PRKCE: variants seen among roughly 807,000 people sequenced by gnomAD.
The protein encoded by PRKCE is protein kinase C epsilon.
PRKCE carries 16 observed loss-of-function variants against 85.4 expected under a neutral mutation model. That is an observed-to-expected ratio of 0.19 (90% CI 0.13 to 0.28). PRKCE has a LOEUF of 0.28. Among genes scored for constraint, PRKCE ranks in the 10% least tolerant of loss-of-function variants. The pLI is 1.00. For missense variants in PRKCE, 573 were observed against 975.2 expected (o/e 0.59, Z 5.49); for synonymous variants, 388 against 371.5 (o/e 1.04, Z -0.51).
chr2:45,836,435 T>C (rs1430072517), intron 1 of PRKCE, among the ~76,000 whole-genome samples: 2 of 152,274 alleles, frequency 1.3e-5, no homozygotes, highest in Non-Finnish European at 2.9e-5. Flanking sequence ...AATTAGCTGC[T>C]AACTTCAAAA....
At chr2:45,843,279 T>TA (rs573240913) in intron 2 of PRKCE, among the ~76,000 whole-genome samples, 11 of 152,366 alleles carry the variant, frequency 7.2e-5, no homozygotes, top group African/African-American at 2.2e-4. Flanking sequence ...ATTTTGGACT[T>TA]ACCAAGTGAG....
At chr2:45,990,396 C>G (rs1247032639) in intron 6 of PRKCE, among the ~76,000 whole-genome samples, 1 of 152,186 alleles carries the variant, frequency 6.6e-6, no homozygotes, top group African/African-American at 2.4e-5. Flanking sequence ...ATCACTACGT[C>G]CAGTCCTCTC....
chr2:45,985,684 T>G (rs1228920339), intron 6 of PRKCE, among the ~76,000 whole-genome samples: 1 of 152,194 alleles, frequency 6.6e-6, no homozygotes, highest in East Asian at 1.9e-4. Context: ...ATGACTTTAA[T>G]ATATCAAGGA....
At chr2:45,747,008 G>A (rs1683192707) in intron 1 of PRKCE, among the ~76,000 whole-genome samples, 1 of 152,168 alleles carries the variant, frequency 6.6e-6, no homozygotes, top group Non-Finnish European at 1.5e-5. Flanking sequence ...CTGAACTGAT[G>A]ACACGCTTCT....
chr2:45,709,728 C>T (rs1470363736), intron 1 of PRKCE, among the ~76,000 whole-genome samples: 1 of 152,184 alleles, frequency 6.6e-6, no homozygotes, highest in Non-Finnish European at 1.5e-5. Flanking sequence ...GGCATCTCAT[C>T]TCCAGTCCCC....
intron 2 of PRKCE, among the ~76,000 whole-genome samples, chr2:45,926,004 T>C (rs1036925032): frequency 6.6e-5 from 10 of 152,254 alleles, no homozygotes; most frequent in Admixed American, 2.0e-4. Context: ...TCAGTGGGGC[T>C]GAATATTCGA....
At position 46,007,438 on chromosome 2, in the gene PRKCE, AT is replaced by A. The variant is rs748963824; in HGVS notation, c.1064-21del. On this transcript the variant is annotated intron_variant, in intron 8 of 14. Coordinates refer to ENST00000306156, the MANE Select transcript of PRKCE (RefSeq NM_005400.3). ...GGCTTAAGAGGTATGCACTAATGCAATTTCTTGTTCCCCTTGGCCCTAGAAA... is the reference window on the plus strand; with the variant it reads ...GGCTTAAGAGGTATGCACTAATGCAATTCTTGTTCCCCTTGGCCCTAGAAA... The A allele has an allele frequency of 3.1e-6, 5 of 1,599,118 alleles. No individual in the cohort carries two copies. In the South Asian group the frequency reaches 5.5e-5, roughly 18 times the overall value.
chr2:46,085,736 G>GTTTTTTTT (rs1170933914), intron 10 of PRKCE, among the ~76,000 whole-genome samples: 17 of 104,572 alleles, frequency 1.6e-4, no homozygotes, highest in Middle Eastern at 5.3e-3. Context: ...TGCAAAATCC[G>GTTTTTTTT]TTTTTTTTTT....
At chr2:46,105,211 C>A (rs1671602829) in intron 11 of PRKCE, among the ~76,000 whole-genome samples, 1 of 152,070 alleles carries the variant, frequency 6.6e-6, no homozygotes, top group Non-Finnish European at 1.5e-5. Flanking sequence ...ATCAAACCAT[C>A]CTTTGCTGGC....
chr2:45,743,040 G>T (rs6750361), intron 1 of PRKCE, among the ~76,000 whole-genome samples: 19,989 of 152,154 alleles, frequency 0.13, 2,137 homozygotes, highest in African/African-American at 0.3. Flanking sequence ...AATATTGCAT[G>T]ATCTCATTTA....
chr2:46,158,422 G>A (rs897198717), intron 13 of PRKCE, among the ~76,000 whole-genome samples: 1 of 152,140 alleles, frequency 6.6e-6, no homozygotes, highest in East Asian at 1.9e-4. Flanking sequence ...GTTAAAGTGG[G>A]GGTCACCTTG....
In PRKCE at chr2:46,156,865, C is replaced by T. The variant is rs1367694746; in HGVS notation, c.1921-2741C>T. Among the ~76,000 whole-genome samples the T allele has an allele frequency of 2.0e-5, 3 of 152,256 alleles. No individual in the cohort carries two copies. In the East Asian group the frequency reaches 5.8e-4, roughly 29 times the overall value. On this transcript the variant is annotated intron_variant, in intron 13 of 14. Transcript: ENST00000306156. The stretch of plus-strand genomic sequence containing the variant: ...TGTCTCATCCTTGCTTCCATCTGCC[C>T]ACCTCCCACACACTCTCTACTTATG...
chr2:46,008,399 A>C (rs990838596), intron 9 of PRKCE, among the ~76,000 whole-genome samples: 2 of 152,224 alleles, frequency 1.3e-5, no homozygotes, highest in African/African-American at 4.8e-5. Flanking sequence ...AAGAAGATGA[A>C]GGGGCAGGGA....
chr2:46,177,833 A>G (rs1478197054), intron 14 of PRKCE, among the ~76,000 whole-genome samples: 1 of 152,232 alleles, frequency 6.6e-6, no homozygotes, highest in Non-Finnish European at 1.5e-5. Context: ...AAACATTGAT[A>G]CTATCTTAGA....
intron 1 of PRKCE, among the ~76,000 whole-genome samples, chr2:45,715,633 A>C (rs940723092): frequency 4.6e-5 from 7 of 152,188 alleles, no homozygotes; most frequent in African/African-American, 1.7e-4. Flanking sequence ...GTCTATTCTA[A>C]GGTGTCAAGT....
In PRKCE at chr2:45,805,525, G is replaced by A. The variant is rs551569145; in HGVS notation, c.349-37475G>A. 9.2e-5 allele frequency among the ~76,000 whole-genome samples: 14 copies of A among 152,198 alleles called. No individual in the cohort carries two copies. The South Asian group carries it at 1.7e-3, about 18-fold the overall frequency. On this transcript the variant is annotated intron_variant, in intron 1 of 14. Transcript: ENST00000306156. ...TGTGGGTCCTACAGTGCACACCCTGGGAATTAAAGATTTTTGAAGAAAGTT... is the reference window on the plus strand; with the variant it reads ...TGTGGGTCCTACAGTGCACACCCTGAGAATTAAAGATTTTTGAAGAAAGTT...
Position 45,844,599 on chromosome 2 carries a change from C to T in PRKCE, c.412+1536C>T, listed in dbSNP as rs140774316. ...TCACCAGACTTGACTTAAGGTTTTG[C>T]AGTGTGGCCTCCTGATTCTAGACAC... On this transcript the variant is annotated intron_variant, in intron 2 of 14. Coordinates refer to ENST00000306156, the MANE Select transcript of PRKCE (RefSeq NM_005400.3). 5.9e-5 allele frequency among the ~76,000 whole-genome samples: 9 copies of T among 152,336 alleles called. No individual in the cohort carries two copies. In the East Asian group the frequency reaches 7.7e-4, roughly 13 times the overall value.
In PRKCE at chr2:45,835,161, A is replaced by G. The variant is rs140024592; in HGVS notation, c.349-7839A>G. Among the ~76,000 whole-genome samples, 6 of 152,328 alleles carry G rather than the reference A, an allele frequency of 3.9e-5. No homozygotes were observed. The East Asian group carries it at 1.2e-3, about 29-fold the overall frequency. Reference sequence around the variant, plus strand: ...TGAGTCCTTTTATTTTTAAAAATGGAATATGAAATTTTAAATGCTCCGAGG... The same window carrying G: ...TGAGTCCTTTTATTTTTAAAAATGGGATATGAAATTTTAAATGCTCCGAGG... On this transcript the variant is annotated intron_variant, in intron 1 of 14. Coordinates refer to ENST00000306156, the MANE Select transcript of PRKCE (RefSeq NM_005400.3).
rs1334849261 is a variant in PRKCE at position 46,122,234 on chromosome 2, T to C, written c.1593-22859T>C. 4.6e-5 allele frequency among the ~76,000 whole-genome samples: 7 copies of C among 152,222 alleles called. No individual in the cohort carries two copies. The East Asian group carries it at 1.2e-3, about 25-fold the overall frequency. Reference sequence around the variant, plus strand: ...TGTTTTTTGTTTGTTTGTTTTTGTTTTTGTTTTGTTTTTTTGAGACGGAGT... The same window carrying C: ...TGTTTTTTGTTTGTTTGTTTTTGTTCTTGTTTTGTTTTTTTGAGACGGAGT... On this transcript the variant is annotated intron_variant, in intron 11 of 14. Coordinates refer to ENST00000306156, the MANE Select transcript of PRKCE (RefSeq NM_005400.3).
Sources: allele counts gnomAD v4.1 joint callset (sites outside exome capture counted in the v4.1 genomes callset), GRCh38; gene constraint gnomAD v4.1.1; transcripts MANE v1.5; gene names NCBI Gene and HGNC (gene_info 2026-07-23, HGNC 2026-07-21).